Variants in GGT7 observed in about 807,000 individuals in gnomAD.
The protein encoded by GGT7 is glutathione hydrolase 7.
In GGT7, 30 loss-of-function variants were observed where a neutral mutation model predicts 69.2. The observed-to-expected ratio is 0.43, with a 90% CI of 0.32 to 0.59. The LOEUF (loss-of-function observed/expected upper bound fraction) is 0.59, where lower values mean the gene tolerates loss of function less well. Among genes scored for constraint, GGT7 ranks in the 20% least tolerant of loss-of-function variants. The pLI, the probability that GGT7 is intolerant of heterozygous loss-of-function variation, is 0.05. For missense variants in GGT7, 733 were observed against 901.1 expected, an observed-to-expected ratio of 0.81 and a Z score of 2.39; for synonymous variants, 388 against 391.8, an observed-to-expected ratio of 0.99 and a Z score of 0.12.
intron 1 of GGT7, among the ~76,000 whole-genome samples, chr20:34,870,631 AT>A (rs548929207): frequency 8.4e-4 from 120 of 142,628 alleles, no homozygotes; most frequent in Non-Finnish European, 7.7e-4. Context: ...GGCCTGGCTA[AT>A]TTTTTTTTTT....
At chr20:34,856,744 T>C (rs1365488763) in intron 8 of GGT7, 62 bp downstream of exon 8, 12 of 913,374 alleles carry the variant, frequency 1.3e-5, no homozygotes, top group Non-Finnish European at 2.0e-5. Flanking sequence ...GCCAAAACGA[T>C]GTGGCCATGG....
In GGT7 at chr20:34,863,381, C is replaced by G; in HGVS notation, c.337G>C (p.Ala113Pro). The G allele has an allele frequency of 6.2e-7, 1 of 1,614,038 alleles. No homozygotes were observed. Among genetic ancestry groups the G allele is most frequent in the South Asian group, 1.1e-5 (1 of 91,084 alleles). The change falls in exon 2 of 15, where the codon GCC becomes CCC. Residue 113 changes from alanine to proline, a missense_variant. Coordinates refer to ENST00000336431, the MANE Select transcript of GGT7 (RefSeq NM_178026.3). This position sits in a 1 kb window ranked among gnomAD's most constrained non-coding sequence, Gnocchi z 4.4. ...ACACCGGTAGCGAAGGTGAGACAGG[C>G]CGTGACGATGACCGTGAGCCCATCC... ...RQDGLTVIVT[A>P]CLTFATGVTV...
chr20:34,854,640 T>C (rs1416227067), intron 9 of GGT7, 21 bp from the exon 10 acceptor site: 1 of 1,592,158 alleles, frequency 6.3e-7, no homozygotes. Context: ...AGCAGGGATA[T>C]GGAAGAGGCT....
chr20:34,868,390 T>C (rs919590202), intron 1 of GGT7, among the ~76,000 whole-genome samples: 1 of 152,304 alleles, frequency 6.6e-6, no homozygotes, highest in East Asian at 1.9e-4. Context: ...AACAGCAGGA[T>C]ACTGGAAAAA....
At chr20:34,851,627 C>A (rs1211593565) in intron 12 of GGT7, among the ~76,000 whole-genome samples, 1 of 152,162 alleles carries the variant, frequency 6.6e-6, no homozygotes, top group Non-Finnish European at 1.5e-5. Flanking sequence ...GAGAAAGGAC[C>A]AAGCCAAGAA....
chr20:34,852,588 C>A, intron 10 of GGT7, 50 bp from the exon 11 acceptor site: 1 of 1,498,472 alleles, frequency 6.7e-7, no homozygotes, highest in Non-Finnish European at 8.9e-7. Context: ...TCTCAATACA[C>A]CCCACCTACC....
intron 10 of GGT7, among the ~76,000 whole-genome samples, chr20:34,853,285 G>T (rs1211272106): frequency 6.6e-6 from 1 of 151,940 alleles, no homozygotes; most frequent in East Asian, 1.9e-4. Flanking sequence ...CCAAGGCACA[G>T]AGTAAGTGCT....
rs1372413641 is a variant in GGT7 at position 34,845,359 on chromosome 20, C to T, written c.1958G>A (p.Ser653Asn). The change falls in exon 15 of 15, where the codon AGC becomes AAC. Residue 653 changes from serine (S) to asparagine (N), a missense_variant. Ser to Asn is a conservative substitution (Grantham distance 46). Coordinates refer to ENST00000336431, the MANE Select transcript of GGT7 (RefSeq NM_178026.3). ...GATGGTGGCTCCAGCTGCATCTGGGCTCCGAGGGTCCTTAACAGCGATGAT... is the reference window on the plus strand; with the variant it reads ...GATGGTGGCTCCAGCTGCATCTGGGTTCCGAGGGTCCTTAACAGCGATGAT... ...NFIIAVKDPR[S>N]PDAAGATIL 3.7e-6 allele frequency: 6 copies of T among 1,613,926 alleles called. No homozygotes were observed. Among genetic ancestry groups the T allele is most frequent in the African/African-American group, 1.3e-5 (1 of 74,906 alleles).
chr20:34,862,919 G>C lies in GGT7; in HGVS notation c.452C>G (p.Ser151Ter), dbSNP rs1471357040. 1.2e-6 allele frequency: 2 copies of C among 1,614,062 alleles called. No individual in the cohort carries two copies. The highest frequency in any genetic ancestry group is 1.7e-6 in the Non-Finnish European group (2 of 1,179,968). Reference protein sequence around the residue: ...AVVTDAARCTSLGIEVLSKQG... With the variant: ...AVVTDAARCT Reference sequence around the variant, plus strand: ...TTTACTGAGCACCTCGATGCCCAGTGAAGTGCAGCGGGCAGCATCGGTCAC... The same window carrying C: ...TTTACTGAGCACCTCGATGCCCAGTCAAGTGCAGCGGGCAGCATCGGTCAC... Residue 151 changes from serine (S) to a stop codon, truncating the protein, a stop_gained, in exon 3 of 15, where the codon TCA (serine) becomes TGA (stop). Coordinates refer to ENST00000336431, the MANE Select transcript of GGT7 (RefSeq NM_178026.3). LOFTEE classifies it high-confidence loss of function.
intron 7 of GGT7, among the ~76,000 whole-genome samples, chr20:34,857,747 T>C (rs909641552): frequency 2.0e-5 from 3 of 151,294 alleles, no homozygotes; most frequent in African/African-American, 7.3e-5. Context: ...GCCTCCTGAG[T>C]AGCTGGGACT....
At chr20:34,851,197 G>A (rs530895296) in intron 13 of GGT7, 34 bp downstream of exon 13, 77 of 1,609,352 alleles carry the variant, frequency 4.8e-5, no homozygotes, top group Non-Finnish European at 5.5e-5. Context: ...CTTGGCTCCC[G>A]GCTGAAAAAG....
chr20:34,859,386 A>G (rs569745105), intron 7 of GGT7, 57 bp downstream of exon 7: 1 of 1,361,128 alleles, frequency 7.3e-7, no homozygotes, highest in Non-Finnish European at 1.0e-6. Context: ...GCGGACGCGG[A>G]TGTCCTGCAA....
chr20:34,867,022 C>T (rs1437617272), intron 1 of GGT7, among the ~76,000 whole-genome samples: 1 of 152,174 alleles, frequency 6.6e-6, no homozygotes, highest in African/African-American at 2.4e-5. Flanking sequence ...ACGTTAAACA[C>T]CCACTGTAGG....
chr20:34,864,423 A>G (rs1300741994), intron 1 of GGT7, among the ~76,000 whole-genome samples: 1 of 152,046 alleles, frequency 6.6e-6, no homozygotes, highest in Non-Finnish European at 1.5e-5. Flanking sequence ...TAAGGGTGGA[A>G]GCTAGGCCAG....
At position 34,856,810 on chromosome 20, in the gene GGT7, G is replaced by A; in HGVS notation, c.1098C>T (p.Tyr366=). 6.3e-7 allele frequency: 1 copy of A among 1,597,208 alleles called. No homozygotes were observed. Among genetic ancestry groups the A allele is most frequent in the Non-Finnish European group, 8.6e-7 (1 of 1,165,758 alleles). ...ALVEKPVCGV[Y]RGHLVLSPPP... The stretch of plus-strand genomic sequence containing the variant: ...GGGAGCCGGGGGAGAGGTCACCTCT[G>A]TACACGCCACACACAGGCTTCTCCA... Residue 366 remains tyrosine, a synonymous_variant, in exon 8 of 15, where the codon TAC becomes TAT. Coordinates refer to ENST00000336431, the MANE Select transcript of GGT7 (RefSeq NM_178026.3).
intron 14 of GGT7, among the ~76,000 whole-genome samples, chr20:34,848,161 G>T (rs940362811): frequency 6.6e-6 from 1 of 152,188 alleles, no homozygotes; most frequent in African/African-American, 2.4e-5. Flanking sequence ...TGTACATATT[G>T]GTTTAGATGG....
Position 34,854,824 on chromosome 20 carries a change from C to T in GGT7, c.1202G>A (p.Arg401Gln), listed in dbSNP as rs781714270. 56 of 1,614,016 alleles carry T rather than the reference C, an allele frequency of 3.5e-5. No homozygotes were observed. Among genetic ancestry groups the T allele is most frequent in the Non-Finnish European group, 3.6e-5 (42 of 1,180,030 alleles). The change falls in exon 9 of 15, where the codon CGA becomes CAA. Residue 401 changes from arginine to glutamine, a missense_variant. Transcript: ENST00000336431. Reference sequence around the variant, plus strand: ...TGCCACCCAGTGAAGAGCCTGTTCTCGGGATACCAGGCTGGTGAGATTGAA... The same window carrying T: ...TGCCACCCAGTGAAGAGCCTGTTCTTGGGATACCAGGCTGGTGAGATTGAA... The part of the protein sequence containing the change: ...EGFNLTSLVS[R>Q]EQALHWVAET...
rs2079596270 is a variant in GGT7, at chr20:34,861,526, A to G, written c.594T>C (p.Asn198=). ...GVMLVHDIRR[N]ESHLIDFRES... ...CCCGGAAATCAATTAGGTGGCTCTC[A>G]TTTCGTCGGATGTCATGTACCAGCA... The change falls in exon 4 of 15, where the codon AAT becomes AAC. Residue 198 remains asparagine (N), a synonymous_variant. Transcript: ENST00000336431. 3 of 1,528,826 alleles carry G rather than the reference A, an allele frequency of 2.0e-6. No individual in the cohort carries two copies. Among genetic ancestry groups the G allele is most frequent in the Non-Finnish European group, 2.7e-6 (3 of 1,125,532 alleles). 94.7% of individuals were successfully genotyped at this position (1,528,826 alleles called of 1,614,324 possible).
chr20:34,871,621 G>C (rs1050027899), intron 1 of GGT7, among the ~76,000 whole-genome samples: 1 of 152,182 alleles, frequency 6.6e-6, no homozygotes, highest in Non-Finnish European at 1.5e-5. Context: ...AAAGTGTAGA[G>C]GAGGAGAGAA....
Sources: allele counts gnomAD v4.1 joint callset (sites outside exome capture counted in the v4.1 genomes callset), GRCh38; gene constraint gnomAD v4.1.1; non-coding constraint Gnocchi (gnomAD v3.1); transcripts MANE v1.5; gene names NCBI Gene and HGNC (gene_info 2026-07-23, HGNC 2026-07-21).